Variants in CREB5 observed in about 807,000 individuals in gnomAD.
CREB5 encodes the protein cyclic AMP-responsive element-binding protein 5.
Under a neutral mutation model 57.1 loss-of-function variants are expected in CREB5, and 19 were observed. The ratio of observed to expected loss-of-function variants is 0.33; its 90% CI spans 0.23 to 0.49. The LOEUF is 0.49. Among genes scored for constraint, CREB5 ranks in the 20% least tolerant of loss-of-function variants. The pLI, the probability that CREB5 is intolerant of heterozygous loss-of-function variation, is 0.99. For missense variants in CREB5, 579 were observed against 671.6 expected, an observed-to-expected ratio of 0.86 and a Z score of 1.52; for synonymous variants, 238 against 238.3, an observed-to-expected ratio of 1.00 and a Z score of 0.01.
At chr7:28,495,055 T>C (rs937576289) in intron 3 of CREB5, 56 bp downstream of exon 3, 2 of 1,235,258 alleles carry the variant, frequency 1.6e-6, no homozygotes, top group Non-Finnish European at 2.2e-6. Flanking sequence ...CCATGCGAGA[T>C]ACTTGTTCTT....
intron 1 of CREB5, among the ~76,000 whole-genome samples, chr7:28,427,364 T>G (rs867413612): frequency 8.5e-5 from 13 of 152,208 alleles, no homozygotes; most frequent in African/African-American, 3.1e-4. Context: ...TGCCATAATT[T>G]CTTAACCAAC....
At position 28,687,708 on chromosome 7, in the gene CREB5, G is replaced by C. The variant is rs190993962; in HGVS notation, c.465-31045G>C. Among the ~76,000 whole-genome samples, 335 of 152,010 alleles carry C rather than the reference G, an allele frequency of 2.2e-3. 1 individual carries two copies. The highest frequency in any genetic ancestry group is 7.7e-3 in the African/African-American group (318 of 41,448). On this transcript the variant is annotated intron_variant, in intron 5 of 10. Coordinates refer to ENST00000357727, the MANE Select transcript of CREB5 (RefSeq NM_182898.4). ...CCAGAAAGGTGTCTATTTATTTAAC[G>C]CATGTTTTGGATATCATTCATTATG...
chr7:28,376,401 T>G (rs1045752322), intron 1 of CREB5, among the ~76,000 whole-genome samples: 1 of 151,790 alleles, frequency 6.6e-6, no homozygotes, highest in Non-Finnish European at 1.5e-5. Flanking sequence ...CCTGAGTAGC[T>G]GGGACTACGG....
intron 5 of CREB5, among the ~76,000 whole-genome samples, chr7:28,716,695 G>A (rs1018272655): frequency 1.4e-4 from 21 of 152,100 alleles, no homozygotes; most frequent in African/African-American, 4.3e-4. Context: ...CATTAAGACC[G>A]GAGGATATCA....
At chr7:28,464,600 A>G (rs1156957382) in intron 1 of CREB5, among the ~76,000 whole-genome samples, 1 of 144,724 alleles carries the variant, frequency 6.9e-6, no homozygotes, top group African/African-American at 2.6e-5. Context: ...TTCTTGAGTC[A>G]TTTTTGGTAG....
At chr7:28,590,162 G>T (rs1437606484) in intron 5 of CREB5, among the ~76,000 whole-genome samples, 1 of 151,330 alleles carries the variant, frequency 6.6e-6, no homozygotes, top group African/African-American at 2.4e-5. Flanking sequence ...ATTTGACCCA[G>T]CCATCCCATT....
intron 1 of CREB5, among the ~76,000 whole-genome samples, chr7:28,305,277 C>T (rs1354117251): frequency 6.6e-6 from 1 of 152,170 alleles, no homozygotes; most frequent in Non-Finnish European, 1.5e-5. Context: ...TTCTCATCTC[C>T]AGTCTTTACA....
chr7:28,547,312 A>G (rs573629274), intron 4 of CREB5, among the ~76,000 whole-genome samples: 12 of 152,150 alleles, frequency 7.9e-5, no homozygotes, highest in Non-Finnish European at 1.6e-4. Flanking sequence ...GTAATTATTC[A>G]CCTTTCTATT....
At chr7:28,486,828 G>T (rs1791575795) in intron 1 of CREB5, among the ~76,000 whole-genome samples, 1 of 150,904 alleles carries the variant, frequency 6.6e-6, no homozygotes, top group Non-Finnish European at 1.5e-5. Flanking sequence ...ACTACAGCAG[G>T]GTGTGGTGGC....
chr7:28,599,722 GTGTTT>G (rs891765794), intron 5 of CREB5, among the ~76,000 whole-genome samples: 35 of 148,512 alleles, frequency 2.4e-4, no homozygotes, highest in African/African-American at 8.5e-4. Flanking sequence ...GGAGACCCAG[GTGTTT>G]TGTTTTGTTT....
In CREB5 at chr7:28,538,025, TTTG is replaced by T. The variant is rs370456864; in HGVS notation, c.291+30303_291+30305del. On this transcript the variant is annotated intron_variant, in intron 4 of 10. Transcript: ENST00000357727. Reference sequence around the variant, plus strand: ...CCTCCATGGTTTCTTAACTATGGTTTTTGTTGTTGTTGTTGTTATCGTTTTGTT... The same window carrying T: ...CCTCCATGGTTTCTTAACTATGGTTTTTGTTGTTGTTGTTATCGTTTTGTT... 3.3e-3 allele frequency among the ~76,000 whole-genome samples: 494 copies of T among 150,822 alleles called. 3 individuals are homozygous for T. The highest frequency in any genetic ancestry group is 0.011 in the African/African-American group (469 of 41,142).
At chr7:28,382,326 G>A (rs1175863076) in intron 1 of CREB5, among the ~76,000 whole-genome samples, 1 of 152,108 alleles carries the variant, frequency 6.6e-6, no homozygotes, top group Non-Finnish European at 1.5e-5. Flanking sequence ...CACACCCGGG[G>A]CAGTCCAGTC....
At chr7:28,419,991 A>G (rs1051420373) in intron 1 of CREB5, among the ~76,000 whole-genome samples, 8 of 152,214 alleles carry the variant, frequency 5.3e-5, no homozygotes, top group African/African-American at 1.9e-4. Context: ...TTGAAATTGT[A>G]CTTTTTGCTA....
chr7:28,553,780 G>A (rs1440694484), intron 4 of CREB5, among the ~76,000 whole-genome samples: 6 of 152,224 alleles, frequency 3.9e-5, no homozygotes, highest in African/African-American at 1.4e-4. Flanking sequence ...AATACGTTAA[G>A]TGGCCGACTG....
intron 1 of CREB5, among the ~76,000 whole-genome samples, chr7:28,367,822 G>GACAA (rs796164114): frequency 1.3e-5 from 2 of 148,808 alleles, no homozygotes; most frequent in Admixed American, 6.7e-5. Context: ...CAAACAAACA[G>GACAA]ACAAACAAAC....
In CREB5 at chr7:28,330,550, T is replaced by C. The variant is rs1466673905; in HGVS notation, c.-25+31109T>C. Among the ~76,000 whole-genome samples, 3 of 151,982 alleles carry C rather than the reference T, an allele frequency of 2.0e-5. No homozygotes were observed. The East Asian group carries it at 5.8e-4, about 29-fold the overall frequency. On this transcript the variant is annotated intron_variant, in intron 1 of 9. Transcript: ENST00000396299. ...AGTAATAGAGTGACTTATCTAAGTT[T>C]TGCATTCTTTGATGATTCATTTAGT...
intron 5 of CREB5, among the ~76,000 whole-genome samples, chr7:28,658,989 A>ATATGTATAT (rs1799480752): frequency 7.1e-6 from 1 of 141,364 alleles, no homozygotes; most frequent in Non-Finnish European, 1.6e-5. Flanking sequence ...ATGTATATAT[A>ATATGTATAT]AGTCATAATT....
chr7:28,810,552 C>T (rs1197531327), intron 9 of CREB5, among the ~76,000 whole-genome samples: 2 of 152,002 alleles, frequency 1.3e-5, no homozygotes, highest in East Asian at 3.9e-4. Context: ...AAAAAATTGC[C>T]AGGTGTGGTG....
In CREB5 at chr7:28,361,805, G is replaced by A. The variant is rs191778157; in HGVS notation, c.-25+62364G>A. Among the ~76,000 whole-genome samples, 569 of 152,246 alleles carry A rather than the reference G, an allele frequency of 3.7e-3. 2 individuals are homozygous for A. Among genetic ancestry groups the A allele is most frequent in the African/African-American group, 0.013 (544 of 41,544 alleles). ...CAATGACCCAATGCATAGAACAATA[G>A]CACTCTGTATTGTGTCTTTTGGTAG... On this transcript the variant is annotated intron_variant, in intron 1 of 9. Coordinates refer to the CREB5 transcript ENST00000396299.
Sources: allele counts gnomAD v4.1 joint callset (sites outside exome capture counted in the v4.1 genomes callset), GRCh38; gene constraint gnomAD v4.1.1; transcripts MANE v1.5; gene names NCBI Gene and HGNC (gene_info 2026-07-23, HGNC 2026-07-21).